The following STIM1 variants were observed in gnomAD, a reference collection of about 807,000 sequenced individuals.
STIM1 encodes stromal interaction molecule 1.
In STIM1, 25 loss-of-function variants were observed where a neutral mutation model predicts 74.7. The ratio of observed to expected loss-of-function variants is 0.33; its 90% CI spans 0.24 to 0.47. The LOEUF is 0.47. Ranked by LOEUF, STIM1 falls within the 20% of genes least tolerant of loss-of-function variation. The pLI is 1.00. For synonymous variants in STIM1, 328 were observed against 348.8 expected, an observed-to-expected ratio of 0.94 and a Z score of 0.66; for missense variants, 728 against 920.8, an observed-to-expected ratio of 0.79 and a Z score of 2.71.
intron 1 of STIM1, among the ~76,000 whole-genome samples, chr11:3,862,072 C>T (rs1004850784): frequency 6.6e-6 from 1 of 151,910 alleles, no homozygotes; most frequent in Non-Finnish European, 1.5e-5. Flanking sequence ...AACTGGGCCT[C>T]CAGAGCTTTG....
chr11:3,884,367 C>G (rs958021978), intron 1 of STIM1, among the ~76,000 whole-genome samples: 1 of 152,140 alleles, frequency 6.6e-6, no homozygotes, highest in Non-Finnish European at 1.5e-5. Context: ...CTTTCCCTTT[C>G]CCAAGTTGAG....
chr11:4,073,346 T>G (rs2094417359), intron 6 of STIM1, among the ~76,000 whole-genome samples: 1 of 152,216 alleles, frequency 6.6e-6, no homozygotes, highest in South Asian at 2.1e-4. Context: ...AGCCCAAGTC[T>G]CTCTTTCTTT....
At chr11:3,878,023 A>G (rs1173006789) in intron 1 of STIM1, among the ~76,000 whole-genome samples, 1 of 152,190 alleles carries the variant, frequency 6.6e-6, no homozygotes, top group African/African-American at 2.4e-5. Context: ...AGTAAAGAAC[A>G]TGTTCCTGGA....
At chr11:4,059,618 A>G (rs985251048) in intron 5 of STIM1, among the ~76,000 whole-genome samples, 1 of 152,226 alleles carries the variant, frequency 6.6e-6, no homozygotes, top group Non-Finnish European at 1.5e-5. Flanking sequence ...CATTGTGCCA[A>G]TGCTGTGCTG....
At chr11:4,019,025 C>T (rs2093930653) in intron 2 of STIM1, 1 of 172,670 alleles carries the variant, frequency 5.8e-6, no homozygotes, top group South Asian at 1.5e-4. Context: ...TCTGCTCAAA[C>T]CAGCATGGTC....
In STIM1 at chr11:3,887,928, C is replaced by T. The variant is rs375461850; in HGVS notation, c.139+31519C>T. On this transcript the variant is annotated intron_variant, in intron 1 of 12. Transcript: ENST00000526596. ...GAGGTTGCAATGAGTGGAGATCGCA[C>T]CACTGCACTCCAGCCTGGGTGACAG... Among the ~76,000 whole-genome samples, 13 of 149,570 alleles carry T rather than the reference C, an allele frequency of 8.7e-5. No individual in the cohort carries two copies. In the South Asian group the frequency reaches 1.7e-3, roughly 20 times the overall value.
intron 5 of STIM1, among the ~76,000 whole-genome samples, chr11:4,063,969 C>T (rs950552867): frequency 2.6e-5 from 4 of 152,142 alleles, no homozygotes; most frequent in African/African-American, 7.2e-5. Flanking sequence ...TTTAGGACTT[C>T]TGTGCTTGGT....
intron 6 of STIM1, among the ~76,000 whole-genome samples, chr11:4,071,645 G>T (rs1403009158): frequency 1.3e-5 from 2 of 152,166 alleles, no homozygotes; most frequent in Non-Finnish European, 2.9e-5. Flanking sequence ...CAGCCATTGT[G>T]TTATTTTTAA....
rs536872620 is a variant in STIM1, at chr11:3,991,205, C to CT, written c.270+23524dup. 8.1e-4 allele frequency among the ~76,000 whole-genome samples: 105 copies of CT among 129,496 alleles called. No individual in the cohort carries two copies. In the Admixed American group the frequency reaches 8.5e-3, roughly 10 times the overall value. 85.0% of individuals were successfully genotyped at this position (129,496 alleles called of 152,430 possible). A position where few individuals can be genotyped will look rare whatever the true frequency, so the allele number is the denominator to read the frequency against. On this transcript the variant is annotated intron_variant, in intron 2 of 12. Transcript: ENST00000526596. ...TTTTTTTTTGAGTCAGGGTCTTTCT[C>CT]TGTCACCCAAACTGGAGTGCAGTGG... is the stretch of plus-strand genomic sequence containing the variant.
At chr11:3,879,594 G>C (rs373283159) in intron 1 of STIM1, among the ~76,000 whole-genome samples, 19 of 152,348 alleles carry the variant, frequency 1.2e-4, no homozygotes, top group Middle Eastern at 3.4e-3. Context: ...GCTCTGTGAG[G>C]TGGGACAGGA....
chr11:3,897,668 G>A (rs1319149451), intron 1 of STIM1, among the ~76,000 whole-genome samples: 6 of 141,578 alleles, frequency 4.2e-5, no homozygotes, highest in African/African-American at 1.3e-4. Flanking sequence ...CCCCCGCCAC[G>A]CCCACCCCAC....
intron 1 of STIM1, among the ~76,000 whole-genome samples, chr11:3,916,867 C>A (rs927349288): frequency 6.6e-6 from 1 of 152,158 alleles, no homozygotes; most frequent in African/African-American, 2.4e-5. Flanking sequence ...GGATTACAGG[C>A]GTGAGCCACC....
At chr11:3,867,869 CA>C (rs2090920189) in intron 1 of STIM1, among the ~76,000 whole-genome samples, 1 of 99,714 alleles carries the variant, frequency 1.0e-5, no homozygotes, top group South Asian at 3.2e-4. Flanking sequence ...GGCAGGCAGG[CA>C]AGCAGGCAGG....
chr11:3,862,878 A>G (rs1262051255), intron 1 of STIM1, among the ~76,000 whole-genome samples: 8 of 149,292 alleles, frequency 5.4e-5, no homozygotes, highest in South Asian at 2.1e-4. Context: ...ACACACACAC[A>G]CGCACACACA....
intron 1 of STIM1, among the ~76,000 whole-genome samples, chr11:3,863,220 ATGTGTGTGTGTGTGTGTGTG>A (rs56737126): frequency 9.5e-5 from 12 of 125,898 alleles, no homozygotes; most frequent in South Asian, 2.9e-4. Context: ...GAGACAATGC[ATGTGTGTGTGTGTGTGTGTG>A]TGTGTGTGTG....
At chr11:4,010,811 C>G (rs1565147384) in intron 2 of STIM1, among the ~76,000 whole-genome samples, 1 of 152,116 alleles carries the variant, frequency 6.6e-6, no homozygotes, top group Non-Finnish European at 1.5e-5. Flanking sequence ...TGTTGGTTTA[C>G]TGCACCCATC....
chr11:3,899,615 C>T (rs1303875567), intron 1 of STIM1, among the ~76,000 whole-genome samples: 2 of 151,232 alleles, frequency 1.3e-5, no homozygotes, highest in African/African-American at 2.4e-5. Context: ...GGGAATGCTT[C>T]CAGTTTTTGT....
chr11:3,855,982 AG>A lies in STIM1; in HGVS notation c.-288del. 1 of 483,698 alleles carries A rather than the reference AG, an allele frequency of 2.1e-6. No homozygotes were observed. The highest frequency in any genetic ancestry group is 3.8e-6 in the Non-Finnish European group (1 of 262,668). The allele number at this position is 483,698 out of a possible 1,614,324, so 30.0% of individuals were successfully genotyped here. A position where few individuals can be genotyped will look rare whatever the true frequency, so the allele number is the denominator to read the frequency against. ...TGTAGTAATCTGCGGAGCTGACAGC[AG>A]CCCCGCAGCCACCCTGCCCGAAGTC... is the stretch of plus-strand genomic sequence containing the variant. On this transcript the variant is annotated 5_prime_UTR_variant, in exon 1 of 13. Transcript: ENST00000526596.
intron 2 of STIM1, chr11:3,989,273 C>G: frequency 1.1e-6 from 1 of 918,946 alleles, no homozygotes; most frequent in Non-Finnish European, 1.8e-6. Context: ...GCCACTTCGG[C>G]CTGTTTTCCC....
Sources: allele counts gnomAD v4.1 joint callset (sites outside exome capture counted in the v4.1 genomes callset), GRCh38; gene constraint gnomAD v4.1.1; transcripts MANE v1.5; gene names NCBI Gene and HGNC (gene_info 2026-07-23, HGNC 2026-07-21).